MRPS25: variants seen among roughly 807,000 people sequenced by gnomAD.
MRPS25 encodes the protein small ribosomal subunit protein mS25.
Under a neutral mutation model 17.3 loss-of-function variants are expected in MRPS25, and 15 were observed. The observed-to-expected ratio is 0.87, with a 90% CI of 0.58 to 1.34. MRPS25 has a LOEUF of 1.34. Ranked by LOEUF, MRPS25 falls within the 40% of genes most tolerant of loss-of-function variation. MRPS25 has a pLI of 0.00. For missense variants in MRPS25, 225 were observed against 218.6 expected (o/e 1.03, Z -0.19); for synonymous variants, 94 against 83.3 (o/e 1.13, Z -0.70).
chr3:15,058,573 G>A (rs2042702623), intron 2 of MRPS25, among the ~76,000 whole-genome samples: 1 of 152,164 alleles, frequency 6.6e-6, no homozygotes, highest in African/African-American at 2.4e-5. Context: ...TCTTTGTGTG[G>A]CTTCCTGACA....
intron 2 of MRPS25, among the ~76,000 whole-genome samples, chr3:15,058,917 A>G (rs1402709191): frequency 6.6e-6 from 1 of 152,128 alleles, no homozygotes; most frequent in African/African-American, 2.4e-5. Flanking sequence ...CTCAGAGGAC[A>G]CACACAGCAC....
At chr3:15,056,830 A>G (rs566385497) in intron 2 of MRPS25, among the ~76,000 whole-genome samples, 2 of 152,216 alleles carry the variant, frequency 1.3e-5, no homozygotes, top group African/African-American at 4.8e-5. Context: ...TAATACAACA[A>G]TATCAGCATG....
chr3:15,057,319 G>T (rs973356219), intron 2 of MRPS25, among the ~76,000 whole-genome samples: 1 of 152,160 alleles, frequency 6.6e-6, no homozygotes, highest in Non-Finnish European at 1.5e-5. Context: ...TCACTCTCCT[G>T]GTTTCTTTCA....
At chr3:15,044,615 C>T (rs962064606), downstream of MRPS25, 1 of 152,148 alleles carries the variant, frequency 6.6e-6, no homozygotes, top group African/African-American at 2.4e-5. Flanking sequence ...GAAAATACAC[C>T]CTGTTGGGTT....
At chr3:15,064,848 C>T (rs1309709809) in intron 1 of MRPS25, among the ~76,000 whole-genome samples, 1 of 152,200 alleles carries the variant, frequency 6.6e-6, no homozygotes, top group Non-Finnish European at 1.5e-5. Flanking sequence ...TTGTCCTCCG[C>T]CCCCCAAACC....
chr3:15,047,967 CT>C (rs2042514547), downstream of MRPS25: 1 of 152,368 alleles, frequency 6.6e-6, no homozygotes, highest in African/African-American at 2.4e-5. Context: ...TTAATCTGGC[CT>C]TAAACTGAGA....
chr3:15,059,315 T>C, intron 2 of MRPS25, 54 bp downstream of exon 2: 6 of 1,227,940 alleles, frequency 4.9e-6, no homozygotes, highest in Non-Finnish European at 7.2e-6. Flanking sequence ...AAGGACGCAG[T>C]CTCTCCAGGC....
Position 15,052,432 on chromosome 3 carries a change from C to A in MRPS25, c.*9G>T. The A allele has an allele frequency of 3.1e-6, 5 of 1,609,562 alleles. No individual in the cohort carries two copies. Among genetic ancestry groups the A allele is most frequent in the Non-Finnish European group, 4.3e-6 (5 of 1,176,302 alleles). Reference sequence around the variant, plus strand: ...ACACCATCACCCCAGCCCACAGTGACCGTGGGCCTTAGTCCTGGGCATCGG... The same window carrying A: ...ACACCATCACCCCAGCCCACAGTGAACGTGGGCCTTAGTCCTGGGCATCGG... On this transcript the variant is annotated 3_prime_UTR_variant, in exon 4 of 4. Coordinates refer to ENST00000253686, the MANE Select transcript of MRPS25 (RefSeq NM_022497.5).
intron 2 of MRPS25, among the ~76,000 whole-genome samples, chr3:15,058,194 TTTTC>T (rs1231934828): frequency 6.6e-6 from 1 of 151,236 alleles, no homozygotes; most frequent in East Asian, 1.9e-4. Flanking sequence ...CACTAATCTT[TTTTC>T]TTTTTTTTTG....
At chr3:15,063,416 G>C (rs1263515245) in intron 1 of MRPS25, among the ~76,000 whole-genome samples, 1 of 152,188 alleles carries the variant, frequency 6.6e-6, no homozygotes, top group African/African-American at 2.4e-5. Context: ...TTGGGATGGA[G>C]GTAGGTCCCA....
At chr3:15,063,352 C>T (rs2125139303) in intron 1 of MRPS25, among the ~76,000 whole-genome samples, 1 of 152,308 alleles carries the variant, frequency 6.6e-6, no homozygotes, top group Middle Eastern at 3.4e-3. Context: ...AATAAGGCAC[C>T]TTCCCATTGC....
chr3:15,049,262 A>C lies in MRPS25; in HGVS notation c.*3179T>G, dbSNP rs1476485513. 1 of 152,754 alleles carries C rather than the reference A, an allele frequency of 6.5e-6. No individual in the cohort carries two copies. The highest frequency in any genetic ancestry group is 1.5e-5 in the Non-Finnish European group (1 of 68,122). 9.5% of individuals were successfully genotyped at this position (152,754 alleles called of 1,614,324 possible). A position where few individuals can be genotyped will look rare whatever the true frequency, so the allele number is the denominator to read the frequency against. ...ATGAGGTTTATACTATTAAAAGTGA[A>C]TTAAAGACTAACATGCATCCTGCTC... On this transcript the variant is annotated 3_prime_UTR_variant, in exon 4 of 4. Coordinates refer to ENST00000253686, the MANE Select transcript of MRPS25 (RefSeq NM_022497.5).
At chr3:15,046,633 GCTTGTTGCCCA>G (rs1382693596), downstream of MRPS25, 3 of 152,286 alleles carry the variant, frequency 2.0e-5, no homozygotes, top group Non-Finnish European at 4.4e-5. Flanking sequence ...GAGTCCAGAA[GCTTGTTGCCCA>G]CTTTCCAGTG....
At chr3:15,060,220 A>AAGTAGCTCTCAGCTGGGTGC (rs1397655876) in intron 1 of MRPS25, among the ~76,000 whole-genome samples, 2 of 152,114 alleles carry the variant, frequency 1.3e-5, no homozygotes, top group Admixed American at 6.5e-5. Context: ...AAAAATCAAC[A>AAGTAGCTCTCAGCTGGGTGC]AGTAGCTCTC....
chr3:15,043,332 TGAAA>T (rs2042337445), downstream of MRPS25: 1 of 175,254 alleles, frequency 5.7e-6, no homozygotes, highest in African/African-American at 2.4e-5. Flanking sequence ...TAAAGAAAAC[TGAAA>T]GAACCTGAGA....
rs1365829138 is a variant in MRPS25 at position 15,059,113 on chromosome 3, G to A, written c.241+256C>T. Among the ~76,000 whole-genome samples the A allele has an allele frequency of 5.3e-5, 8 of 152,032 alleles. No homozygotes were observed. In the East Asian group the frequency reaches 1.4e-3, roughly 26 times the overall value. On this transcript the variant is annotated intron_variant, in intron 2 of 3. Transcript: ENST00000253686. ...TCTTGAGCAAAGGCATCACAGCCTG[G>A]TGTGACAAGGGACTTTGGAAAAATT...
chr3:15,047,511 A>C (rs981591051), downstream of MRPS25: 1 of 152,218 alleles, frequency 6.6e-6, no homozygotes, highest in Non-Finnish European at 1.5e-5. Flanking sequence ...CAGCCTTCCC[A>C]GCTATTCAGC....
downstream of MRPS25, chr3:15,042,717 T>C (rs1337443396): frequency 8.5e-6 from 7 of 827,802 alleles, no homozygotes; most frequent in Non-Finnish European, 1.3e-5. Flanking sequence ...GGTGGGTGGA[T>C]GGTGGATCCG....
At chr3:15,064,523 C>G (rs1344459949) in intron 1 of MRPS25, among the ~76,000 whole-genome samples, 1 of 152,202 alleles carries the variant, frequency 6.6e-6, no homozygotes, top group African/African-American at 2.4e-5. Context: ...CGTGGAGCTG[C>G]AAGTTACTTA....
Sources: allele counts gnomAD v4.1 joint callset (sites outside exome capture counted in the v4.1 genomes callset), GRCh38; gene constraint gnomAD v4.1.1; transcripts MANE v1.5; gene names NCBI Gene and HGNC (gene_info 2026-07-23, HGNC 2026-07-21).